Variants in SPECC1 observed in about 807,000 individuals in gnomAD.
The protein encoded by SPECC1 is sperm antigen with calponin homology and coiled-coil domains 1, also known as cytospin-B.
Under a neutral mutation model 104.1 loss-of-function variants are expected in SPECC1, and 62 were observed. That is an observed-to-expected ratio of 0.60 (90% CI 0.49 to 0.74). The LOEUF (loss-of-function observed/expected upper bound fraction) is 0.74, where lower values mean the gene tolerates loss of function less well. Ranked by LOEUF, SPECC1 falls within the 30% of genes least tolerant of loss-of-function variation. The pLI, the probability that SPECC1 is intolerant of heterozygous loss-of-function variation, is 0.00. For missense variants in SPECC1, 1,306 were observed against 1,310.5 expected (o/e 1.00, Z 0.05); for synonymous variants, 513 against 501.6 (o/e 1.02, Z -0.30).
At chr17:20,025,930 A>T (rs1455095764) in intron 1 of SPECC1, among the ~76,000 whole-genome samples, 1 of 151,986 alleles carries the variant, frequency 6.6e-6, no homozygotes, top group Non-Finnish European at 1.5e-5. Context: ...TACATTCTAC[A>T]TTGTGGTTTT....
chr17:20,267,357 G>T (rs888619023), intron 12 of SPECC1, among the ~76,000 whole-genome samples: 15 of 152,154 alleles, frequency 9.9e-5, no homozygotes, highest in African/African-American at 3.6e-4. Flanking sequence ...CTAGTTTTCT[G>T]TTACGATGGA....
chr17:20,023,832 A>G (rs1597578925), intron 1 of SPECC1, among the ~76,000 whole-genome samples: 1 of 152,090 alleles, frequency 6.6e-6, no homozygotes, highest in East Asian at 1.9e-4. Flanking sequence ...CATGGAAAGC[A>G]TCTCAGCTGA....
intron 3 of SPECC1, among the ~76,000 whole-genome samples, chr17:20,176,277 C>CA (rs898763046): frequency 1.7e-4 from 26 of 152,224 alleles, no homozygotes; most frequent in Non-Finnish European, 2.2e-4. Context: ...ATGTTAGTTT[C>CA]AAAAAATCTT....
At chr17:20,264,457 A>ATTTTT (rs10565315) in intron 12 of SPECC1, among the ~76,000 whole-genome samples, 11 of 55,770 alleles carry the variant, frequency 2.0e-4, no homozygotes, top group Admixed American at 3.0e-4. Context: ...TTGGAGACGG[A>ATTTTT]TTTTTTTTTT....
chr17:20,277,119 G>A (rs946623403), intron 12 of SPECC1, among the ~76,000 whole-genome samples: 1 of 152,248 alleles, frequency 6.6e-6, no homozygotes, highest in South Asian at 2.1e-4. Context: ...GAGAGGGACA[G>A]ATGTGGCCCA....
At chr17:20,013,377 CT>C (rs1188156754) in intron 1 of SPECC1, among the ~76,000 whole-genome samples, 1 of 152,200 alleles carries the variant, frequency 6.6e-6, no homozygotes, top group Non-Finnish European at 1.5e-5. Context: ...TATTCTCTCT[CT>C]TTTTTTGATA....
chr17:20,277,188 G>T (rs1461333949), intron 12 of SPECC1, among the ~76,000 whole-genome samples: 1 of 152,142 alleles, frequency 6.6e-6, no homozygotes, highest in Non-Finnish European at 1.5e-5. Context: ...GCATGCATGG[G>T]GACATGCCTG....
At chr17:20,138,110 A>T (rs2030254274) in intron 3 of SPECC1, among the ~76,000 whole-genome samples, 1 of 152,100 alleles carries the variant, frequency 6.6e-6, no homozygotes, top group African/African-American at 2.4e-5. Context: ...CTGGGACTAC[A>T]GGTGGGCACC....
intron 1 of SPECC1, among the ~76,000 whole-genome samples, chr17:20,053,913 G>T (rs74852506): frequency 6.6e-6 from 1 of 152,268 alleles, no homozygotes; most frequent in Admixed American, 6.5e-5. Context: ...CTACACACCA[G>T]TATATAACCA....
At chr17:20,304,999 T>C (rs1156724979) in intron 13 of SPECC1, among the ~76,000 whole-genome samples, 1 of 152,034 alleles carries the variant, frequency 6.6e-6, no homozygotes, top group East Asian at 1.9e-4. Flanking sequence ...AAACAAACTT[T>C]TGAAGAAAGG....
At chr17:20,029,848 C>G (rs1321746817) in intron 1 of SPECC1, among the ~76,000 whole-genome samples, 1 of 152,118 alleles carries the variant, frequency 6.6e-6, no homozygotes, top group Non-Finnish European at 1.5e-5. Flanking sequence ...TTTCAAAGAA[C>G]TAGCTTTTGG....
At chr17:20,232,472 G>A (rs2038656375) in intron 7 of SPECC1, 67 bp downstream of exon 7, 3 of 1,504,728 alleles carry the variant, frequency 2.0e-6, no homozygotes, top group African/African-American at 1.4e-5. Flanking sequence ...CCCTGGTGGG[G>A]ATGGGACTCT....
chr17:20,292,067 T>G (rs751653374), intron 12 of SPECC1, among the ~76,000 whole-genome samples: 4 of 151,940 alleles, frequency 2.6e-5, no homozygotes, highest in Admixed American at 6.6e-5. Flanking sequence ...TGGCTTGCTT[T>G]CTTCCAGGTC....
At chr17:20,274,342 G>A (rs1201685050) in intron 12 of SPECC1, among the ~76,000 whole-genome samples, 5 of 152,146 alleles carry the variant, frequency 3.3e-5, no homozygotes, top group East Asian at 1.9e-4. Context: ...GCGGCACAGC[G>A]CCCTGGGCCT....
intron 3 of SPECC1, among the ~76,000 whole-genome samples, chr17:20,184,775 TA>T (rs2035148217): frequency 2.0e-5 from 3 of 152,370 alleles, no homozygotes; most frequent in Non-Finnish European, 4.4e-5. Flanking sequence ...GTATTATTAT[TA>T]AAGTAAGTCA....
chr17:20,284,740 A>G lies in SPECC1; in HGVS notation c.2941-12221A>G, dbSNP rs138473147. ...CTGTTAAACTTTCCAAAAACTAAAA[A>G]CTCAATCTGATTCCACAGCTGTGAT... On this transcript the variant is annotated intron_variant, in intron 12 of 14. Transcript: ENST00000395527. Among the ~76,000 whole-genome samples the G allele has an allele frequency of 3.5e-3, 529 of 152,194 alleles. 2 individuals carry two copies. Among genetic ancestry groups the G allele is most frequent in the Admixed American group, 5.5e-3 (84 of 15,284 alleles).
At chr17:20,107,459 T>A (rs75012736) in intron 2 of SPECC1, among the ~76,000 whole-genome samples, 3 of 150,590 alleles carry the variant, frequency 2.0e-5, no homozygotes, top group Non-Finnish European at 4.4e-5. Flanking sequence ...TCTTTTCTTT[T>A]TTCTTTTTTT....
chr17:20,180,256 T>C (rs1468554760), intron 3 of SPECC1, among the ~76,000 whole-genome samples: 1 of 151,850 alleles, frequency 6.6e-6, no homozygotes, highest in Non-Finnish European at 1.5e-5. Context: ...GTAAACAAAA[T>C]CAAGTGGAAA....
rs114096964 is a variant in SPECC1, at chr17:20,189,830, T to G, written c.284-14503T>G. Among the ~76,000 whole-genome samples, 1,005 of 152,260 alleles carry G rather than the reference T, an allele frequency of 6.6e-3. 10 individuals are homozygous for G. Among genetic ancestry groups the G allele is most frequent in the African/African-American group, 0.023 (952 of 41,554 alleles). On this transcript the variant is annotated intron_variant, in intron 3 of 14. Transcript: ENST00000395527. Reference sequence around the variant, plus strand: ...AGTGTGAGGAAAATTAATTTTGCATTCTTCCCAAAAAAAGTAAAATGGAGA... The same window carrying G: ...AGTGTGAGGAAAATTAATTTTGCATGCTTCCCAAAAAAAGTAAAATGGAGA...
Sources: allele counts gnomAD v4.1 joint callset (sites outside exome capture counted in the v4.1 genomes callset), GRCh38; gene constraint gnomAD v4.1.1; transcripts MANE v1.5; gene names NCBI Gene and HGNC (gene_info 2026-07-23, HGNC 2026-07-21).